The following BMP1 variants were observed in gnomAD, a reference collection of about 807,000 sequenced individuals.
BMP1 encodes mammalian tolloid protein.
A neutral mutation model predicts 116.8 loss-of-function variants in BMP1; 63 were observed. The ratio of observed to expected loss-of-function variants is 0.54; its 90% CI spans 0.44 to 0.67. The LOEUF is 0.67. Among genes scored for constraint, BMP1 ranks in the 30% least tolerant of loss-of-function variants. BMP1 has a pLI of 0.00. For synonymous variants in BMP1, 536 were observed against 533.4 expected (o/e 1.00, Z -0.07); for missense variants, 1,183 against 1,358.9 (o/e 0.87, Z 2.04).
At chr8:22,203,362 C>A (rs928164844) in intron 16 of BMP1, among the ~76,000 whole-genome samples, 24 of 152,288 alleles carry the variant, frequency 1.6e-4, no homozygotes, top group African/African-American at 5.8e-4. Context: ...TCAAGACCAG[C>A]CTGGCCAGCG....
At position 22,194,493 on chromosome 8, in the gene BMP1, C is replaced by G. The variant is rs1829021548; in HGVS notation, c.1346C>G (p.Pro449Arg). The G allele has an allele frequency of 1.9e-6, 3 of 1,614,068 alleles. No individual in the cohort carries two copies. The highest frequency in any genetic ancestry group is 2.5e-6 in the Non-Finnish European group (3 of 1,180,052). ...AAGGACTATGGCCACATTCAATCGC[C>G]CAACTACCCAGACGATTACCGGCCC... The part of the protein sequence containing the change: ...VKKDYGHIQS[P>R]NYPDDYRPSK... Residue 449 changes from proline to arginine, a missense_variant, in exon 11 of 20, where the codon CCC becomes CGC. By Grantham distance (103) the Pro-to-Arg change is moderately radical. This residue lies in a region of BMP1 where 956 missense variants were observed against 1,135.2 expected (regional missense o/e 0.84). Transcript: ENST00000306385. The surrounding 1 kb of genome is among the most constrained non-coding windows in gnomAD (Gnocchi z 4.5).
intron 15 of BMP1, chr8:22,201,124 G>A (rs542152669): frequency 6.3e-7 from 1 of 1,598,302 alleles, no homozygotes; most frequent in South Asian, 1.1e-5. Flanking sequence ...TCAGAAAAGA[G>A]GCCAGCTCTG....
chr8:22,207,541 T>C (rs763594659), intron 18 of BMP1, 25 bp downstream of exon 18: 12 of 1,607,726 alleles, frequency 7.5e-6, no homozygotes, highest in Non-Finnish European at 1.0e-5. Context: ...TGTGGGAGTG[T>C]TCACTGAGCC....
Position 22,192,130 on chromosome 8 carries a change from T to C in BMP1, c.1159T>C (p.Trp387Arg). The C allele has an allele frequency of 6.2e-7, 1 of 1,613,758 alleles. No homozygotes were observed. The highest frequency in any genetic ancestry group is 8.5e-7 in the Non-Finnish European group (1 of 1,179,828). ...YDYVEVRDGF[W>R]RKAPLRGRFC... The stretch of plus-strand genomic sequence containing the variant: ...CTATGTGGAGGTCCGAGATGGCTTC[T>C]GGAGGAAGGCGCCCCTCCGAGGTAA... The change falls in exon 9 of 20, where the codon TGG becomes CGG. Residue 387 changes from tryptophan to arginine, a missense_variant. Coordinates refer to ENST00000306385, the MANE Select transcript of BMP1 (RefSeq NM_006129.5).
rs142089697 is a variant in BMP1 at position 22,206,834 on chromosome 8, C to G, written c.2234-20C>G. The G allele has an allele frequency of 6.2e-7, 1 of 1,614,016 alleles. No individual in the cohort carries two copies. Among genetic ancestry groups the G allele is most frequent in the Admixed American group, 1.7e-5 (1 of 60,020 alleles). Reference sequence around the variant, plus strand: ...CTTGGGGTCCCTCTCTATCCCCTTCCGTCACTCGCTTCCCTGCAGCCGGCT... The same window carrying G: ...CTTGGGGTCCCTCTCTATCCCCTTCGGTCACTCGCTTCCCTGCAGCCGGCT... On this transcript the variant is annotated intron_variant, in intron 16 of 19. Coordinates refer to ENST00000306385, the MANE Select transcript of BMP1 (RefSeq NM_006129.5).
chr8:22,174,458 G>A (rs1004817840), intron 2 of BMP1, among the ~76,000 whole-genome samples: 4 of 152,146 alleles, frequency 2.6e-5, no homozygotes, highest in Admixed American at 2.6e-4. Flanking sequence ...GGAATGGGAG[G>A]GATGAGGGCC....
intron 8 of BMP1, among the ~76,000 whole-genome samples, chr8:22,181,804 C>T (rs977802754): frequency 2.0e-5 from 3 of 152,162 alleles, no homozygotes; most frequent in Admixed American, 6.5e-5. Context: ...ATCCTCCTGG[C>T]TCAGGCTTCC....
chr8:22,209,438 C>T lies in BMP1; in HGVS notation c.2576-7C>T. 12 of 1,614,016 alleles carry T rather than the reference C, an allele frequency of 7.4e-6. No homozygotes were observed. The highest frequency in any genetic ancestry group is 1.0e-5 in the Non-Finnish European group (12 of 1,179,908). On this transcript the variant is annotated splice_region_variant and splice_polypyrimidine_tract_variant and intron_variant, in intron 18 of 19. Transcript: ENST00000306385. ...CAGGGCTGGTTGGCCCCTCTTGTCC[C>T]CTACAGAGTGCGGGGGCCAGGTACG...
chr8:22,191,957 C>T (rs1301337783), intron 8 of BMP1, 92 bp from the exon 9 acceptor site: 8 of 1,181,830 alleles, frequency 6.8e-6, no homozygotes, highest in African/African-American at 3.0e-5. Context: ...GGACCTGCCT[C>T]GCGTAAGGCG....
In BMP1 at chr8:22,194,746, C is replaced by T. The variant is rs1181136650; in HGVS notation, c.1466C>T (p.Ala489Val). Residue 489 changes from alanine (A) to valine (V), a missense_variant, in exon 12 of 20, where the codon GCC (alanine) becomes GTC (valine). This residue lies in a region of BMP1 where 956 missense variants were observed against 1,135.2 expected (regional missense o/e 0.84). Transcript: ENST00000306385. This position sits in a 1 kb window ranked among gnomAD's most constrained non-coding sequence, Gnocchi z 4.5. ...SFEIERHDSC[A>V]YDYLEVRDGH... ...TAGATTGAGCGCCACGACAGCTGTGCCTACGACTATCTGGAGGTGCGCGAC... is the reference window on the plus strand; with the variant it reads ...TAGATTGAGCGCCACGACAGCTGTGTCTACGACTATCTGGAGGTGCGCGAC... 2.5e-6 allele frequency: 4 copies of T among 1,610,700 alleles called. No individual in the cohort carries two copies. Among genetic ancestry groups the T allele is most frequent in the Non-Finnish European group, 3.4e-6 (4 of 1,178,346 alleles).
In BMP1 at chr8:22,166,341, C is replaced by A. The variant is rs539963726; in HGVS notation, c.148+788C>A. On this transcript the variant is annotated intron_variant, in intron 1 of 19. Transcript: ENST00000306385. The stretch of plus-strand genomic sequence containing the variant: ...CCCCGAGACACCAGAGGCTAATTAG[C>A]TGAGGTCAGGACCCCGGAGTGTGTG... Among the ~76,000 whole-genome samples, 284 of 151,922 alleles carry A rather than the reference C, an allele frequency of 1.9e-3. 1 individual carries two copies. Among genetic ancestry groups the A allele is most frequent in the Non-Finnish European group, 3.3e-3 (224 of 67,950 alleles).
In BMP1 at chr8:22,211,738, G is replaced by T. The variant is rs753127829; in HGVS notation, c.*10G>T. On this transcript the variant is annotated 3_prime_UTR_variant, in exon 20 of 20. Coordinates refer to ENST00000306385, the MANE Select transcript of BMP1 (RefSeq NM_006129.5). The stretch of plus-strand genomic sequence containing the variant: ...CCACAGCAGGAAGTGACCACTGCCT[G>T]AGCAGGGGCGGGGACTGGAGCCTGC... 2 of 1,613,982 alleles carry T rather than the reference G, an allele frequency of 1.2e-6. No individual in the cohort carries two copies. The highest frequency in any genetic ancestry group is 1.1e-5 in the South Asian group (1 of 91,072).
At chr8:22,181,834 C>T (rs1043582799) in intron 8 of BMP1, among the ~76,000 whole-genome samples, 4 of 152,266 alleles carry the variant, frequency 2.6e-5, no homozygotes, top group Middle Eastern at 3.4e-3. Context: ...GGATTACAGG[C>T]GTGAGCCACC....
Position 22,165,463 on chromosome 8 carries a change from G to C in BMP1, c.58G>C (p.Gly20Arg). The change falls in exon 1 of 20, where the codon GGC becomes CGC. Residue 20 changes from glycine to arginine, a missense_variant. By Grantham distance (125) the Gly-to-Arg change is moderately radical (BLOSUM62 -2). This residue lies in a region of BMP1 where 185 missense variants were observed against 158.9 expected (regional missense o/e 1.16). Coordinates refer to ENST00000306385, the MANE Select transcript of BMP1 (RefSeq NM_006129.5). ...LLGLLLLPRP[G>R]RPLDLADYTY... ...CGGGCTGCTGCTGCTCCCGCGTCCC[G>C]GCCGGCCGCTGGACTTGGCCGACTA... 1 of 1,580,554 alleles carries C rather than the reference G, an allele frequency of 6.3e-7. No homozygotes were observed. Among genetic ancestry groups the C allele is most frequent in the Non-Finnish European group, 8.6e-7 (1 of 1,167,252 alleles).
At chr8:22,187,138 G>A (rs1343339681) in intron 8 of BMP1, among the ~76,000 whole-genome samples, 4 of 151,830 alleles carry the variant, frequency 2.6e-5, no homozygotes, top group Middle Eastern at 3.4e-3. Context: ...CTACTGGCAC[G>A]TGCCACCACA....
At chr8:22,176,337 A>T (rs1411571031) in intron 3 of BMP1, 24 bp downstream of exon 3, 5 of 1,576,688 alleles carry the variant, frequency 3.2e-6, no homozygotes, top group Non-Finnish European at 4.3e-6. Context: ...TGTGGGTCCC[A>T]GAGTGTAACC....
chr8:22,193,938 A>G, intron 9 of BMP1, 120 bp from the exon 10 acceptor site: 1 of 773,784 alleles, frequency 1.3e-6, no homozygotes, highest in South Asian at 1.6e-5. Context: ...AGTCTTGGGA[A>G]TGTGTGAAGT....
intron 8 of BMP1, among the ~76,000 whole-genome samples, chr8:22,181,679 A>C (rs1338259103): frequency 1.3e-5 from 2 of 151,748 alleles, no homozygotes; most frequent in East Asian, 3.9e-4. Context: ...CAGCCTCTGG[A>C]GTAGCTGGGA....
At position 22,196,749 on chromosome 8, in the gene BMP1, C is replaced by T; in HGVS notation, c.1835C>T (p.Pro612Leu). 6.2e-7 allele frequency: 1 copy of T among 1,614,080 alleles called. No homozygotes were observed. Among genetic ancestry groups the T allele is most frequent in the Non-Finnish European group, 8.5e-7 (1 of 1,180,020 alleles). Residue 612 changes from proline (P) to leucine (L), a missense_variant, in exon 14 of 20, where the codon CCC becomes CTC. Transcript: ENST00000306385. ...AGCCCGGGCTGGCCCAAGGAGTACC[C>T]CCCCAACAAGAACTGCATCTGGCAG... ...ITSPGWPKEY[P>L]PNKNCIWQLV...
Sources: allele counts gnomAD v4.1 joint callset (sites outside exome capture counted in the v4.1 genomes callset), GRCh38; gene constraint gnomAD v4.1.1; regional missense constraint gnomAD v4.1.1; non-coding constraint Gnocchi (gnomAD v3.1); transcripts MANE v1.5; gene names NCBI Gene and HGNC (gene_info 2026-07-23, HGNC 2026-07-21).